PACRG: variants seen among roughly 807,000 people sequenced by gnomAD.
The protein encoded by PACRG is parkin coregulated.
Under a neutral mutation model 29.7 loss-of-function variants are expected in PACRG, and 29 were observed. The ratio of observed to expected loss-of-function variants is 0.98; its 90% CI spans 0.73 to 1.33. PACRG has a LOEUF of 1.33. PACRG is among the 40% of genes most tolerant of loss of function. The pLI, the probability that PACRG is intolerant of heterozygous loss-of-function variation, is 0.00. For missense variants in PACRG, 279 were observed against 316.2 expected (o/e 0.88, Z 0.89); for synonymous variants, 116 against 118.7 (o/e 0.98, Z 0.15).
At position 162,927,590 on chromosome 6, in the gene PACRG, G is replaced by A. The variant is rs150299558; in HGVS notation, c.291+113309G>A. Reference sequence around the variant, plus strand: ...CACCAGATATTCTCACTCATGAGTCGGAGCTGAACAATGAGAACACATGGA... The same window carrying A: ...CACCAGATATTCTCACTCATGAGTCAGAGCTGAACAATGAGAACACATGGA... On this transcript the variant is annotated intron_variant, in intron 2 of 4. Transcript: ENST00000366888. Among the ~76,000 whole-genome samples the A allele has an allele frequency of 3.5e-3, 536 of 152,102 alleles. 4 individuals are homozygous for A. The highest frequency in any genetic ancestry group is 0.02 in the Middle Eastern group (6 of 294).
intron 2 of PACRG, among the ~76,000 whole-genome samples, chr6:162,829,343 C>T (rs1326643536): frequency 2.0e-5 from 3 of 152,160 alleles, no homozygotes; most frequent in Non-Finnish European, 2.9e-5. Flanking sequence ...AAAGTTTCTG[C>T]TATGGCAGTT....
At chr6:163,262,041 A>G (rs1783346550) in intron 4 of PACRG, among the ~76,000 whole-genome samples, 1 of 152,224 alleles carries the variant, frequency 6.6e-6, no homozygotes, top group Non-Finnish European at 1.5e-5. Context: ...GATGTGGGGA[A>G]AAGGTGACCA....
At chr6:163,004,741 C>T (rs372970640) in intron 2 of PACRG, among the ~76,000 whole-genome samples, 22 of 133,978 alleles carry the variant, frequency 1.6e-4, no homozygotes, top group Non-Finnish European at 3.1e-4. Context: ...TATATATACA[C>T]ACACACACAC....
Position 162,969,379 on chromosome 6 carries a change from G to A in PACRG, c.292-92771G>A, listed in dbSNP as rs75314688. Among the ~76,000 whole-genome samples, 477 of 151,956 alleles carry A rather than the reference G, an allele frequency of 3.1e-3. 12 individuals carry two copies. The highest frequency in any genetic ancestry group is 0.026 in the Admixed American group (393 of 15,260). ...CTGCCCTCTCTCTCTCCTGTCCACT[G>A]CTACCCCATCATCTCTTCTGTCCAT... On this transcript the variant is annotated intron_variant, in intron 2 of 4. Coordinates refer to ENST00000366888, the MANE Select transcript of PACRG (RefSeq NM_001080379.2).
intron 4 of PACRG, among the ~76,000 whole-genome samples, chr6:163,280,509 A>C (rs1645884024): frequency 6.6e-6 from 1 of 152,244 alleles, no homozygotes; most frequent in Non-Finnish European, 1.5e-5. Context: ...CTAAATGAGA[A>C]GATCCCATCT....
chr6:163,291,646 T>G (rs720217), intron 4 of PACRG, among the ~76,000 whole-genome samples: 4 of 152,278 alleles, frequency 2.6e-5, no homozygotes, highest in Non-Finnish European at 5.9e-5. Flanking sequence ...ATTTTCACAG[T>G]AACTTCAGAA....
At chr6:163,252,158 A>G (rs1053016647) in intron 4 of PACRG, among the ~76,000 whole-genome samples, 1 of 152,184 alleles carries the variant, frequency 6.6e-6, no homozygotes, top group African/African-American at 2.4e-5. Context: ...AGACGGGTGC[A>G]CTGCATCTCA....
intron 4 of PACRG, among the ~76,000 whole-genome samples, chr6:163,238,949 G>A (rs557214428): frequency 1.3e-5 from 2 of 152,220 alleles, no homozygotes; most frequent in South Asian, 2.1e-4. Context: ...TGCTATCTCT[G>A]ATGATGGAAG....
In PACRG at chr6:162,933,803, A is replaced by G. The variant is rs575126808; in HGVS notation, c.291+119522A>G. 3.9e-5 allele frequency among the ~76,000 whole-genome samples: 6 copies of G among 152,194 alleles called. No homozygotes were observed. In the South Asian group the frequency reaches 1.2e-3, roughly 32 times the overall value. The stretch of plus-strand genomic sequence containing the variant: ...CGTTTAGTTCATGGTTCTACTAGAA[A>G]GTTCAGGATTGGATTTCTGGCAAGG... On this transcript the variant is annotated intron_variant, in intron 2 of 4. Coordinates refer to ENST00000366888, the MANE Select transcript of PACRG (RefSeq NM_001080379.2).
intron 4 of PACRG, among the ~76,000 whole-genome samples, chr6:163,140,328 C>A (rs551150020): frequency 2.6e-5 from 4 of 152,090 alleles, no homozygotes; most frequent in Non-Finnish European, 4.4e-5. Flanking sequence ...AAAAGCAGTC[C>A]GTGGTGGCTG....
chr6:162,893,575 T>C (rs1889289), intron 2 of PACRG, among the ~76,000 whole-genome samples: 140,181 of 149,864 alleles, frequency 0.94, 65,615 homozygotes, highest in East Asian at 1. Context: ...GTGCCCCAGA[T>C]CTACACTCCT....
chr6:162,749,349 TCC>T (rs1781339524), intron 1 of PACRG, among the ~76,000 whole-genome samples: 2 of 152,170 alleles, frequency 1.3e-5, no homozygotes, highest in Admixed American at 1.3e-4. Flanking sequence ...TGTCAGCTTT[TCC>T]TCGGCTGGCA....
At chr6:163,299,376 C>G (rs1367476238) in intron 4 of PACRG, among the ~76,000 whole-genome samples, 4 of 152,204 alleles carry the variant, frequency 2.6e-5, no homozygotes, top group Admixed American at 6.5e-5. Context: ...TCCCACCACC[C>G]AAGCCCCATA....
At chr6:163,207,753 T>C (rs1780965952) in intron 4 of PACRG, among the ~76,000 whole-genome samples, 1 of 152,198 alleles carries the variant, frequency 6.6e-6, no homozygotes. Flanking sequence ...TTCTACAAAA[T>C]TAAAATATAA....
intron 2 of PACRG, among the ~76,000 whole-genome samples, chr6:162,966,960 A>G (rs1801090067): frequency 6.6e-6 from 1 of 152,218 alleles, no homozygotes; most frequent in Non-Finnish European, 1.5e-5. Flanking sequence ...GATATTACAC[A>G]GTGATTAGAT....
intron 2 of PACRG, among the ~76,000 whole-genome samples, chr6:163,013,229 T>C (rs1350562253): frequency 6.6e-6 from 1 of 151,908 alleles, no homozygotes; most frequent in Non-Finnish European, 1.5e-5. Context: ...ACGGCCACCT[T>C]AGACAAAAAC....
At chr6:163,245,875 G>A (rs150421389) in intron 4 of PACRG, among the ~76,000 whole-genome samples, 1 of 152,220 alleles carries the variant, frequency 6.6e-6, no homozygotes, top group Non-Finnish European at 1.5e-5. Context: ...ACCAAGAACC[G>A]TAAAGTTATC....
At chr6:162,914,669 T>G (rs1796583596) in intron 2 of PACRG, among the ~76,000 whole-genome samples, 1 of 151,292 alleles carries the variant, frequency 6.6e-6, no homozygotes, top group Non-Finnish European at 1.5e-5. Flanking sequence ...CTGGGGAGAA[T>G]TACCAGTTCC....
intron 4 of PACRG, among the ~76,000 whole-genome samples, chr6:163,274,988 A>C (rs1353108827): frequency 6.6e-6 from 1 of 150,464 alleles, no homozygotes; most frequent in Non-Finnish European, 1.5e-5. Flanking sequence ...TCAGCCTCCC[A>C]AGTAGCTGAG....
Sources: gnomAD v4.1 joint callset for allele counts (sites outside exome capture counted in the v4.1 genomes callset) on GRCh38, gnomAD v4.1.1 for gene constraint, MANE v1.5 for transcripts, NCBI Gene and HGNC (gene_info 2026-07-23, HGNC 2026-07-21) for gene names.